PDE10A: variants seen among roughly 807,000 people sequenced by gnomAD.
The protein encoded by PDE10A is phosphodiesterase 10A, also known as cAMP and cAMP-inhibited cGMP 3',5'-cyclic phosphodiesterase 10A.
A neutral mutation model predicts 97.7 loss-of-function variants in PDE10A; 39 were observed. That is an observed-to-expected ratio of 0.40 (90% CI 0.31 to 0.52). The LOEUF is 0.52. Among genes scored for constraint, PDE10A ranks in the 20% least tolerant of loss-of-function variants. The pLI is 0.56. For missense variants in PDE10A, 731 were observed against 1,047.8 expected (o/e 0.70, Z 4.17); for synonymous variants, 371 against 376.8 (o/e 0.98, Z 0.18).
chr6:165,799,357 T>C (rs1011968418), intron 1 of PDE10A, among the ~76,000 whole-genome samples: 1 of 152,238 alleles, frequency 6.6e-6, no homozygotes, highest in African/African-American at 2.4e-5. Flanking sequence ...TTACAATTTT[T>C]AAAATCAATT....
chr6:165,906,406 C>T (rs142972774), intron 1 of PDE10A, among the ~76,000 whole-genome samples: 83 of 152,074 alleles, frequency 5.5e-4, no homozygotes, highest in East Asian at 5.1e-3. Flanking sequence ...TCCACAGTGC[C>T]GAAGTCACTT....
chr6:165,958,243 C>T (rs180879611), intron 1 of PDE10A, among the ~76,000 whole-genome samples: 1 of 152,144 alleles, frequency 6.6e-6, no homozygotes, highest in African/African-American at 2.4e-5. Context: ...ACAGCAAAGC[C>T]CGCCAGGCAG....
At chr6:165,387,097 G>A (rs1021651413) in intron 17 of PDE10A, among the ~76,000 whole-genome samples, 7 of 152,172 alleles carry the variant, frequency 4.6e-5, no homozygotes, top group South Asian at 2.1e-4. Flanking sequence ...AAAGGAAAGA[G>A]CTGGTGTCAA....
intron 17 of PDE10A, among the ~76,000 whole-genome samples, chr6:165,381,515 C>G (rs1050867787): frequency 1.6e-4 from 25 of 152,034 alleles, no homozygotes. Flanking sequence ...CGCTCTGTCA[C>G]CAGGCTGGAG....
In PDE10A at chr6:165,346,527, G is replaced by A. The variant is rs140503877; in HGVS notation, c.2784-3025C>T. On this transcript the variant is annotated intron_variant, in intron 18 of 21. Coordinates refer to ENST00000539869, the MANE Select transcript of PDE10A (RefSeq NM_001385079.1). ...GCAGATATTCCAACCTCAAAGAGGC[G>A]GGCACCTCTCCGCAGCGTGCATGTT... Among the ~76,000 whole-genome samples the A allele has an allele frequency of 9.0e-3, 1,369 of 152,212 alleles. 18 individuals are homozygous for A. The highest frequency in any genetic ancestry group is 0.031 in the African/African-American group (1,287 of 41,532).
intron 2 of PDE10A, among the ~76,000 whole-genome samples, chr6:165,526,476 C>G (rs890542063): frequency 5.3e-5 from 8 of 152,168 alleles, no homozygotes; most frequent in African/African-American, 1.9e-4. Flanking sequence ...GCCATTAGAG[C>G]TGCTTCTAGC....
intron 1 of PDE10A, among the ~76,000 whole-genome samples, chr6:165,602,607 G>T (rs532501973): frequency 2.0e-5 from 3 of 152,120 alleles, no homozygotes; most frequent in Non-Finnish European, 4.4e-5. Flanking sequence ...GAATGACCTC[G>T]GTGATGAGTT....
chr6:165,466,655 A>G (rs936759476), intron 3 of PDE10A, among the ~76,000 whole-genome samples: 8 of 152,156 alleles, frequency 5.3e-5, no homozygotes, highest in African/African-American at 1.9e-4. Flanking sequence ...GTACCTGTTA[A>G]GGTGATCTAC....
chr6:165,350,207 G>A (rs939114138), intron 18 of PDE10A, among the ~76,000 whole-genome samples: 7 of 152,316 alleles, frequency 4.6e-5, no homozygotes, highest in Middle Eastern at 3.4e-3. Context: ...ACTGTATCCT[G>A]TAGAGCCACA....
intron 1 of PDE10A, among the ~76,000 whole-genome samples, chr6:165,640,412 AATTT>A (rs544021481): frequency 2.0e-5 from 3 of 152,334 alleles, no homozygotes; most frequent in Non-Finnish European, 4.4e-5. Context: ...TAAAAGTAAA[AATTT>A]CATGTTACTT....
In PDE10A at chr6:165,706,108, A is replaced by T. The variant is rs149188403; in HGVS notation, c.-614-162540T>A. On this transcript the variant is annotated intron_variant, in intron 1 of 19. Coordinates refer to the PDE10A transcript ENST00000366882. ...ATGCAGAGGGAGTGCTGACATGGGG[A>T]AGCCAGTTCCAGAAATGCACATTCC... Among the ~76,000 whole-genome samples, 8 of 152,302 alleles carry T rather than the reference A, an allele frequency of 5.3e-5. No homozygotes were observed. In the East Asian group the frequency reaches 1.3e-3, roughly 26 times the overall value.
intron 1 of PDE10A, among the ~76,000 whole-genome samples, chr6:165,794,147 A>T (rs1416786911): frequency 6.6e-6 from 1 of 151,146 alleles, no homozygotes; most frequent in East Asian, 1.9e-4. Context: ...ACACTCACTC[A>T]CACACACTCA....
chr6:165,432,970 T>G lies in PDE10A; in HGVS notation c.1491+4A>C. On this transcript the variant is annotated splice_donor_region_variant and intron_variant, in intron 7 of 21. Transcript: ENST00000539869. Reference sequence around the variant, plus strand: ...TTCTAACATGCAGCATTTAAAGGCCTTACCTCCTGGTGACTAAGACAGAAG... The same window carrying G: ...TTCTAACATGCAGCATTTAAAGGCCGTACCTCCTGGTGACTAAGACAGAAG... 1 of 1,612,752 alleles carries G rather than the reference T, an allele frequency of 6.2e-7. No homozygotes were observed. The highest frequency in any genetic ancestry group is 8.5e-7 in the Non-Finnish European group (1 of 1,179,238).
chr6:165,624,651 T>C (rs1788298017), intron 1 of PDE10A, among the ~76,000 whole-genome samples: 1 of 152,176 alleles, frequency 6.6e-6, no homozygotes, highest in Admixed American at 6.5e-5. Context: ...AAACTCTTCA[T>C]TCACCCATCG....
chr6:165,855,489 G>C (rs1045277996), intron 1 of PDE10A, among the ~76,000 whole-genome samples: 2 of 151,430 alleles, frequency 1.3e-5, no homozygotes, highest in Non-Finnish European at 2.9e-5. Flanking sequence ...GTCATTGGCC[G>C]CCTCTTCTGC....
chr6:165,724,918 G>T (rs1475596541), intron 1 of PDE10A, among the ~76,000 whole-genome samples: 1 of 152,208 alleles, frequency 6.6e-6, no homozygotes, highest in African/African-American at 2.4e-5. Flanking sequence ...TGATATGGGA[G>T]GGGGGCTCGC....
intron 1 of PDE10A, among the ~76,000 whole-genome samples, chr6:165,718,498 G>C (rs910076182): frequency 2.6e-5 from 4 of 152,148 alleles, no homozygotes; most frequent in African/African-American, 9.7e-5. Context: ...TGTAGTGAAC[G>C]GACAAGGGTC....
At chr6:165,561,142 C>T (rs570165313) in intron 1 of PDE10A, among the ~76,000 whole-genome samples, 3 of 151,934 alleles carry the variant, frequency 2.0e-5, no homozygotes, top group Admixed American at 2.0e-4. Context: ...TTGCTTGAAC[C>T]CAGGAGGCGG....
chr6:165,730,675 C>T (rs1397070362), intron 1 of PDE10A, among the ~76,000 whole-genome samples: 2 of 150,144 alleles, frequency 1.3e-5, no homozygotes, highest in East Asian at 3.9e-4. Context: ...ATCGCTTGAA[C>T]CTGGGAGGTG....
Sources: allele counts gnomAD v4.1 joint callset (sites outside exome capture counted in the v4.1 genomes callset), GRCh38; gene constraint gnomAD v4.1.1; transcripts MANE v1.5; gene names NCBI Gene and HGNC (gene_info 2026-07-23, HGNC 2026-07-21).